The following RASGRP3 variants were observed in gnomAD, a reference collection of about 807,000 sequenced individuals.
RASGRP3 encodes ras guanyl-releasing protein 3.
Under a neutral mutation model 82.7 loss-of-function variants are expected in RASGRP3, and 54 were observed. The ratio of observed to expected loss-of-function variants is 0.65; its 90% CI spans 0.52 to 0.82. The LOEUF (loss-of-function observed/expected upper bound fraction) is 0.82. Among genes scored for constraint, RASGRP3 ranks in the 40% least tolerant of loss-of-function variants. The pLI, the probability that RASGRP3 is intolerant of heterozygous loss-of-function variation, is 0.00. For synonymous variants in RASGRP3, 309 were observed against 300.5 expected (o/e 1.03, Z -0.29); for missense variants, 861 against 828.9 (o/e 1.04, Z -0.48).
intron 7 of RASGRP3, 24 bp from the exon 8 acceptor site, chr2:33,523,855 A>C: frequency 6.3e-7 from 1 of 1,579,634 alleles, no homozygotes; most frequent in South Asian, 1.2e-5. Flanking sequence ...TATAATTCAG[A>C]GTCTCTGAAT....
intron 13 of RASGRP3, among the ~76,000 whole-genome samples, chr2:33,546,920 A>T (rs930290135): frequency 2.6e-5 from 4 of 151,966 alleles, no homozygotes; most frequent in Non-Finnish European, 4.4e-5. Context: ...TACAAAAATT[A>T]GCCGGGCGTG....
At chr2:33,438,431 A>G (rs896531984) in intron 1 of RASGRP3, among the ~76,000 whole-genome samples, 1 of 152,120 alleles carries the variant, frequency 6.6e-6, no homozygotes, top group Non-Finnish European at 1.5e-5. Flanking sequence ...GCGTGGTGGC[A>G]CATGCCTGTA....
intron 4 of RASGRP3, 30 bp from the exon 5 acceptor site, chr2:33,519,922 G>A: frequency 6.4e-7 from 1 of 1,569,648 alleles, no homozygotes; most frequent in South Asian, 1.2e-5. Context: ...GAAAGGAGGT[G>A]CAAGGATTTT....
Position 33,527,301 on chromosome 2 carries a change from A to C in RASGRP3, c.972A>C (p.Lys324Asn), listed in dbSNP as rs751807930. ...TCCCAGACTGGACAGAGGAGAACAAAGTGAACATTGTGAAAATGCACCAGC... is the reference window on the plus strand; with the variant it reads ...TCCCAGACTGGACAGAGGAGAACAACGTGAACATTGTGAAAATGCACCAGC... ...VIFPDWTEEN[K>N]VNIVKMHQLS... The change falls in exon 10 of 18, where the codon AAA becomes AAC. Residue 324 changes from lysine (K) to asparagine (N), a missense_variant. Coordinates refer to ENST00000403687, the MANE Select transcript of RASGRP3 (RefSeq NM_001139488.2). 1.2e-6 allele frequency: 2 copies of C among 1,614,014 alleles called. No homozygotes were observed.
chr2:33,472,094 CT>C, upstream of RASGRP3, among the ~76,000 whole-genome samples: 1 of 151,908 alleles, frequency 6.6e-6, no homozygotes, highest in Non-Finnish European at 1.5e-5. Flanking sequence ...ATATTTTTTT[CT>C]TAATGGGCTA....
intron 1 of RASGRP3, among the ~76,000 whole-genome samples, chr2:33,510,844 C>G (rs1199703671): frequency 6.6e-6 from 1 of 152,090 alleles, no homozygotes; most frequent in Non-Finnish European, 1.5e-5. Context: ...TGGAGAGGTT[C>G]TGAGTCAAGA....
At chr2:33,480,027 T>C (rs983834683) in intron 1 of RASGRP3, among the ~76,000 whole-genome samples, 20 of 150,798 alleles carry the variant, frequency 1.3e-4, no homozygotes, top group African/African-American at 4.4e-4. Context: ...AAGCTATTTA[T>C]AGCATGAAAG....
At chr2:33,518,369 C>T (rs1217443105) in intron 4 of RASGRP3, among the ~76,000 whole-genome samples, 1 of 152,066 alleles carries the variant, frequency 6.6e-6, no homozygotes, top group African/African-American at 2.4e-5. Context: ...AAGTGGTACA[C>T]CTGTATAGGG....
rs1026088737 is a variant in RASGRP3, at chr2:33,540,535, C to G, written c.1278+1325C>G. On this transcript the variant is annotated intron_variant, in intron 12 of 17. Coordinates refer to ENST00000403687, the MANE Select transcript of RASGRP3 (RefSeq NM_001139488.2). ...CCACATGCGGAATTTCTCTCTCTCT[C>G]TCTCTCTCTGTGTGTGTGTTTTGTG... 2.6e-4 allele frequency among the ~76,000 whole-genome samples: 23 copies of G among 89,340 alleles called. 2 individuals carry two copies. Among genetic ancestry groups the G allele is most frequent in the African/African-American group, 9.4e-4 (23 of 24,344 alleles). 58.6% of individuals were successfully genotyped at this position (89,340 alleles called of 152,430 possible).
At chr2:33,506,705 A>G (rs1016765438) in intron 1 of RASGRP3, among the ~76,000 whole-genome samples, 2 of 152,222 alleles carry the variant, frequency 1.3e-5, no homozygotes, top group African/African-American at 2.4e-5. Flanking sequence ...CAAGAAGGAC[A>G]AAAAATTTCT....
intron 1 of RASGRP3, chr2:33,482,786 T>C (rs1668052388): frequency 6.6e-6 from 1 of 152,218 alleles, no homozygotes; most frequent in South Asian, 2.1e-4. Flanking sequence ...ACAGTGCATA[T>C]TGTCATGGCC....
At position 33,539,180 on chromosome 2, in the gene RASGRP3, C is replaced by T. The variant is rs1485116665; in HGVS notation, c.1248C>T (p.Val416=). 1.2e-6 allele frequency: 2 copies of T among 1,609,280 alleles called. No individual in the cohort carries two copies. Among genetic ancestry groups the T allele is most frequent in the South Asian group, 1.1e-5 (1 of 89,690 alleles). Residue 416 remains valine (V), a synonymous_variant, in exon 12 of 18, where the codon GTC becomes GTT. Coordinates refer to ENST00000403687, the MANE Select transcript of RASGRP3 (RefSeq NM_001139488.2). ...LGVMPKPDPT[V]INKHIRKLVE... is the part of the protein sequence containing the mutation. ...TGATGCCAAAGCCAGACCCCACGGT[C>T]ATCAACAAGCACATAAGGAAATTAG...
At chr2:33,526,555 G>C (rs901743747) in intron 9 of RASGRP3, among the ~76,000 whole-genome samples, 5 of 152,206 alleles carry the variant, frequency 3.3e-5, no homozygotes, top group African/African-American at 1.2e-4. Flanking sequence ...GAAGTTTATA[G>C]AGGCTTGGAG....
rs181946461 is a variant in RASGRP3 at position 33,546,388 on chromosome 2, A to C, written c.1394+2761A>C. Among the ~76,000 whole-genome samples, 4 of 150,424 alleles carry C rather than the reference A, an allele frequency of 2.7e-5. No individual in the cohort carries two copies. The East Asian group carries it at 7.9e-4, about 30-fold the overall frequency. On this transcript the variant is annotated intron_variant, in intron 13 of 17. Coordinates refer to ENST00000403687, the MANE Select transcript of RASGRP3 (RefSeq NM_001139488.2). ...CAGTGAGCCAAGATCGCACCACTGC[A>C]CTCCAGCCTGGACGACAGAGCAAGA...
intron 7 of RASGRP3, among the ~76,000 whole-genome samples, chr2:33,522,517 T>C (rs1285921516): frequency 6.6e-6 from 1 of 152,214 alleles, no homozygotes; most frequent in Non-Finnish European, 1.5e-5. Flanking sequence ...AAATAGGAAT[T>C]GTAGACTTTA....
chr2:33,493,496 A>G (rs927935179), intron 1 of RASGRP3, among the ~76,000 whole-genome samples: 2 of 152,216 alleles, frequency 1.3e-5, no homozygotes, highest in Admixed American at 6.5e-5. Flanking sequence ...AAAAGAAACC[A>G]GCAAAATCTG....
intron 1 of RASGRP3, chr2:33,482,179 A>T (rs1008558889): frequency 6.6e-6 from 1 of 151,874 alleles, no homozygotes; most frequent in Admixed American, 6.6e-5. Flanking sequence ...ATGCCGGGCT[A>T]ATTTTTTTGT....
In RASGRP3 at chr2:33,555,524, G is replaced by A; in HGVS notation, c.1543-7G>A. On this transcript the variant is annotated splice_polypyrimidine_tract_variant and splice_region_variant and intron_variant, in intron 14 of 17. Coordinates refer to ENST00000403687, the MANE Select transcript of RASGRP3 (RefSeq NM_001139488.2). ...ATTCCCTGACATTCCTTTGTCTTTT[G>A]TTACAGCTCTGGGGCATAATCAAGC... 6.3e-7 allele frequency: 1 copy of A among 1,594,440 alleles called. No individual in the cohort carries two copies. The highest frequency in any genetic ancestry group is 1.1e-5 in the South Asian group (1 of 88,836).
At chr2:33,498,655 C>A (rs1376034193) in intron 1 of RASGRP3, among the ~76,000 whole-genome samples, 3 of 152,178 alleles carry the variant, frequency 2.0e-5, no homozygotes, top group Admixed American at 6.5e-5. Context: ...TGCCTCCCTG[C>A]CTTCTTCAGT....
Sources: gnomAD v4.1 joint callset for allele counts (sites outside exome capture counted in the v4.1 genomes callset) on GRCh38, gnomAD v4.1.1 for gene constraint, MANE v1.5 for transcripts, NCBI Gene and HGNC (gene_info 2026-07-23, HGNC 2026-07-21) for gene names.